Variants in DLGAP2 observed in about 807,000 individuals in gnomAD.
DLGAP2 encodes the protein DLG associated protein 2, also known as disks large-associated protein 2.
DLGAP2 carries 26 observed loss-of-function variants against 100.3 expected under a neutral mutation model. That is an observed-to-expected ratio of 0.26 (90% CI 0.19 to 0.36). The LOEUF is 0.36. Among genes scored for constraint, DLGAP2 ranks in the 10% least tolerant of loss-of-function variants. The pLI, the probability that DLGAP2 is intolerant of heterozygous loss-of-function variation, is 1.00. For synonymous variants in DLGAP2, 886 were observed against 630.1 expected, an observed-to-expected ratio of 1.41 and a Z score of -6.08; for missense variants, 1,858 against 1,453.2, an observed-to-expected ratio of 1.28 and a Z score of -4.53.
intron 1 of DLGAP2, among the ~76,000 whole-genome samples, chr8:854,364 G>A (rs1797237011): frequency 1.3e-5 from 2 of 152,112 alleles, no homozygotes; most frequent in Admixed American, 6.5e-5. Flanking sequence ...AGGACAGAGT[G>A]GGCTCTGTCT....
chr8:1,086,328 G>T (rs753865821), intron 2 of DLGAP2, among the ~76,000 whole-genome samples: 1 of 152,110 alleles, frequency 6.6e-6, no homozygotes, highest in African/African-American at 2.4e-5. Context: ...GGGCATTTTT[G>T]TCTTGTTTTG....
chr8:1,108,639 G>A (rs903331766), intron 2 of DLGAP2, among the ~76,000 whole-genome samples: 44 of 147,616 alleles, frequency 3.0e-4, no homozygotes, highest in Non-Finnish European at 4.6e-4. Flanking sequence ...ATGTGTGCAC[G>A]TGCCTATGAA....
rs555087311 is a variant in DLGAP2 at position 1,447,750 on chromosome 8, G to C, written c.107-53616G>C. ...TTTGGTTGGTAAGCTATTGATTATT[G>C]CCACAATTTCAGAGCCTGTTACTGG... On this transcript the variant is annotated intron_variant, in intron 3 of 14. Transcript: ENST00000637795. 1.0e-3 allele frequency among the ~76,000 whole-genome samples: 153 copies of C among 152,248 alleles called. 1 individual carries two copies. Among genetic ancestry groups the C allele is most frequent in the Non-Finnish European group, 2.0e-3 (136 of 68,014 alleles).
intron 2 of DLGAP2, among the ~76,000 whole-genome samples, chr8:1,114,412 C>T (rs893207617): frequency 1.3e-5 from 2 of 152,086 alleles, no homozygotes; most frequent in African/African-American, 4.8e-5. Context: ...CAGCTTCTTC[C>T]TGGTTCAGTC....
At chr8:1,182,316 G>T (rs1449959390) in intron 2 of DLGAP2, among the ~76,000 whole-genome samples, 1 of 152,254 alleles carries the variant, frequency 6.6e-6, no homozygotes, top group African/African-American at 2.4e-5. Flanking sequence ...CCTTGACTGT[G>T]GCAGTGCTCA....
chr8:1,200,163 C>T (rs908282804), intron 2 of DLGAP2, among the ~76,000 whole-genome samples: 20 of 152,254 alleles, frequency 1.3e-4, no homozygotes, highest in Admixed American at 2.6e-4. Flanking sequence ...GGCTGGGTTT[C>T]CCTGGCCCCC....
In DLGAP2 at chr8:1,009,162, C is replaced by T. The variant is rs555461853; in HGVS notation, c.73+101196C>T. Among the ~76,000 whole-genome samples, 18 of 152,284 alleles carry T rather than the reference C, an allele frequency of 1.2e-4. No individual in the cohort carries two copies. The South Asian group carries it at 3.7e-3, about 32-fold the overall frequency. Reference sequence around the variant, plus strand: ...CTGCAATGCTTGGTCAGCTCTGCCTCCTGCTTTCCAATCTCCTAAGGCCCT... The same window carrying T: ...CTGCAATGCTTGGTCAGCTCTGCCTTCTGCTTTCCAATCTCCTAAGGCCCT... On this transcript the variant is annotated intron_variant, in intron 2 of 14. Transcript: ENST00000637795.
At chr8:751,737 T>C (rs1020154379) in intron 1 of DLGAP2, among the ~76,000 whole-genome samples, 3 of 152,166 alleles carry the variant, frequency 2.0e-5, no homozygotes, top group Admixed American at 6.5e-5. Flanking sequence ...TAAGTCCTTA[T>C]AGGAAGTTCA....
At chr8:1,551,073 C>T (rs1801749418) in intron 5 of DLGAP2, among the ~76,000 whole-genome samples, 1 of 152,238 alleles carries the variant, frequency 6.6e-6, no homozygotes, top group East Asian at 1.9e-4. Context: ...TCAGGTCCAG[C>T]GTCCACATCT....
At chr8:1,353,384 C>G (rs758893172) in intron 3 of DLGAP2, among the ~76,000 whole-genome samples, 2 of 152,176 alleles carry the variant, frequency 1.3e-5, no homozygotes, top group Non-Finnish European at 1.5e-5. Context: ...CCGCACAACC[C>G]TTCTGATTTT....
At chr8:771,985 C>T (rs1157747343) in intron 1 of DLGAP2, among the ~76,000 whole-genome samples, 1 of 152,136 alleles carries the variant, frequency 6.6e-6, no homozygotes, top group Non-Finnish European at 1.5e-5. Context: ...TCACTATAGC[C>T]TCCAACTCCT....
At chr8:792,981 C>T (rs1051287381) in intron 1 of DLGAP2, among the ~76,000 whole-genome samples, 1 of 152,224 alleles carries the variant, frequency 6.6e-6, no homozygotes, top group Non-Finnish European at 1.5e-5. Flanking sequence ...CCCCACCCTT[C>T]CCCATGCTGA....
intron 1 of DLGAP2, among the ~76,000 whole-genome samples, chr8:758,997 C>CTGA (rs1820991198): frequency 6.6e-6 from 1 of 151,248 alleles, no homozygotes; most frequent in African/African-American, 2.4e-5. Context: ...ATCAATACCC[C>CTGA]CAACAGCCTT....
chr8:1,180,417 C>G (rs762343466), intron 2 of DLGAP2, among the ~76,000 whole-genome samples: 49 of 152,218 alleles, frequency 3.2e-4, no homozygotes, highest in Non-Finnish European at 6.3e-4. Context: ...GTTGCCCAGC[C>G]TGGTCTTGAG....
At chr8:1,293,687 C>G (rs1020331168) in intron 3 of DLGAP2, among the ~76,000 whole-genome samples, 47 of 152,252 alleles carry the variant, frequency 3.1e-4, no homozygotes, top group Non-Finnish European at 2.9e-5. Flanking sequence ...GTCAGAGGAA[C>G]AGTGCCCAGC....
At chr8:1,415,184 G>A (rs1002750820) in intron 3 of DLGAP2, among the ~76,000 whole-genome samples, 2 of 152,226 alleles carry the variant, frequency 1.3e-5, no homozygotes, top group Non-Finnish European at 2.9e-5. Flanking sequence ...CCTGTGGGCT[G>A]TGTCTATCTT....
At chr8:1,537,073 A>ATGTGGTATGTGGTG (rs1801177590) in intron 4 of DLGAP2, among the ~76,000 whole-genome samples, 1 of 151,326 alleles carries the variant, frequency 6.6e-6, no homozygotes, top group East Asian at 1.9e-4. Flanking sequence ...GGTATGTGGT[A>ATGTGGTATGTGGTG]TGTGGTATGT....
intron 3 of DLGAP2, among the ~76,000 whole-genome samples, chr8:1,379,348 C>G (rs914501375): frequency 1.3e-5 from 2 of 152,258 alleles, no homozygotes; most frequent in East Asian, 1.9e-4. Flanking sequence ...AAGTCATGTC[C>G]CTGGCACAGC....
chr8:1,633,975 T>TTTCAATGC (rs1797711651), intron 8 of DLGAP2, among the ~76,000 whole-genome samples: 2 of 152,248 alleles, frequency 1.3e-5, no homozygotes, highest in African/African-American at 4.8e-5. Context: ...TCTTGGTTTG[T>TTTCAATGC]TTCAATGCTA....
Sources: gnomAD v4.1 joint callset for allele counts (sites outside exome capture counted in the v4.1 genomes callset) on GRCh38, gnomAD v4.1.1 for gene constraint, MANE v1.5 for transcripts, NCBI Gene and HGNC (gene_info 2026-07-23, HGNC 2026-07-21) for gene names.